KCNMA1: variants seen among roughly 807,000 people sequenced by gnomAD.
The protein encoded by KCNMA1 is potassium calcium-activated channel subfamily M alpha 1.
A neutral mutation model predicts 140.0 loss-of-function variants in KCNMA1; 29 were observed. The observed-to-expected ratio is 0.21, with a 90% CI of 0.15 to 0.28. KCNMA1 has a LOEUF of 0.28. Among genes scored for constraint, KCNMA1 ranks in the 10% least tolerant of loss-of-function variants. KCNMA1 has a pLI of 1.00. For synonymous variants in KCNMA1, 612 were observed against 611.9 expected, an observed-to-expected ratio of 1.00 and a Z score of 0.00; for missense variants, 880 against 1,602.2, an observed-to-expected ratio of 0.55 and a Z score of 7.70.
In KCNMA1 at chr10:77,210,584, A is replaced by G. The variant is rs553785738; in HGVS notation, c.603-25668T>C. ...GCCTGAGCAACCAGGCAAGAGAAAG[A>G]AAGAAAAGGCAACCAAATAGGAAAA... On this transcript the variant is annotated intron_variant, in intron 3 of 27. Transcript: ENST00000286628. 2.4e-4 allele frequency among the ~76,000 whole-genome samples: 36 copies of G among 152,352 alleles called. No homozygotes were observed. In the South Asian group the frequency reaches 6.6e-3, roughly 28 times the overall value.
At chr10:77,234,984 T>C (rs1348563695) in intron 3 of KCNMA1, among the ~76,000 whole-genome samples, 1 of 152,210 alleles carries the variant, frequency 6.6e-6, no homozygotes, top group Non-Finnish European at 1.5e-5. Context: ...AAATGTTCTT[T>C]CCACTGTTCT....
intron 2 of KCNMA1, among the ~76,000 whole-genome samples, chr10:77,398,517 A>G (rs1476326533): frequency 1.3e-5 from 2 of 152,138 alleles, no homozygotes; most frequent in African/African-American, 4.8e-5. Flanking sequence ...ATGACTATTC[A>G]TATCTTTTGC....
intron 9 of KCNMA1, among the ~76,000 whole-genome samples, chr10:77,095,325 G>T (rs1445598918): frequency 1.3e-5 from 2 of 152,118 alleles, no homozygotes; most frequent in Admixed American, 6.5e-5. Flanking sequence ...AATATTTCTT[G>T]GGCAAAGGTA....
At chr10:77,217,705 T>C (rs1395281086) in intron 3 of KCNMA1, 1 of 329,888 alleles carries the variant, frequency 3.0e-6, no homozygotes, top group Non-Finnish European at 6.2e-6. Flanking sequence ...TATGTGTAGA[T>C]CAAATTGATT....
intron 1 of KCNMA1, among the ~76,000 whole-genome samples, chr10:77,483,695 G>A (rs1044844090): frequency 2.2e-4 from 34 of 152,326 alleles, no homozygotes; most frequent in African/African-American, 7.9e-4. Context: ...TGTGGTGAGG[G>A]AGAACTGTTT....
intron 21 of KCNMA1, among the ~76,000 whole-genome samples, chr10:76,951,005 GTCTA>G (rs1431341477): frequency 6.6e-6 from 1 of 152,188 alleles, no homozygotes; most frequent in Non-Finnish European, 1.5e-5. Flanking sequence ...CAGCCAACCA[GTCTA>G]TAAAGCACTG....
At chr10:77,347,795 A>G (rs1235926215) in intron 2 of KCNMA1, among the ~76,000 whole-genome samples, 4 of 152,238 alleles carry the variant, frequency 2.6e-5, no homozygotes, top group African/African-American at 9.6e-5. Context: ...GCAAATAATA[A>G]TGGATACTAA....
At chr10:77,468,609 C>T (rs919904903) in intron 1 of KCNMA1, among the ~76,000 whole-genome samples, 4 of 152,098 alleles carry the variant, frequency 2.6e-5, no homozygotes, top group East Asian at 3.9e-4. Flanking sequence ...GTCCTGGAAC[C>T]GATCCTTCCT....
At chr10:77,177,610 C>T (rs2098764042) in intron 5 of KCNMA1, among the ~76,000 whole-genome samples, 1 of 151,926 alleles carries the variant, frequency 6.6e-6, no homozygotes, top group Non-Finnish European at 1.5e-5. Flanking sequence ...GTAGCAAGGC[C>T]ACTTTCTTCT....
intron 6 of KCNMA1, among the ~76,000 whole-genome samples, chr10:77,120,630 G>A (rs2097573828): frequency 6.6e-6 from 1 of 152,162 alleles, no homozygotes; most frequent in African/African-American, 2.4e-5. Flanking sequence ...CAATCAATGA[G>A]CAAATCTATC....
At chr10:77,176,776 C>T (rs944571689) in intron 5 of KCNMA1, among the ~76,000 whole-genome samples, 6 of 152,124 alleles carry the variant, frequency 3.9e-5, no homozygotes, top group Admixed American at 2.6e-4. Flanking sequence ...GTAGGCAGAA[C>T]GATGACCCTC....
At chr10:77,350,818 G>A (rs1488377127) in intron 2 of KCNMA1, 1 of 152,148 alleles carries the variant, frequency 6.6e-6, no homozygotes, top group Non-Finnish European at 1.5e-5. Context: ...AATCATGCCT[G>A]GTGATTATGA....
intron 1 of KCNMA1, among the ~76,000 whole-genome samples, chr10:77,525,073 A>C (rs1053509286): frequency 4.6e-5 from 7 of 152,314 alleles, no homozygotes; most frequent in African/African-American, 1.7e-4. Flanking sequence ...TTCTTTGGAC[A>C]ATTTTATCTG....
chr10:76,928,639 T>G (rs2058446060), intron 23 of KCNMA1, among the ~76,000 whole-genome samples: 1 of 152,168 alleles, frequency 6.6e-6, no homozygotes, highest in Non-Finnish European at 1.5e-5. Context: ...TATAAGGACT[T>G]AAATATTTAT....
intron 2 of KCNMA1, among the ~76,000 whole-genome samples, chr10:77,252,277 T>C (rs1248575881): frequency 3.3e-5 from 5 of 152,206 alleles, no homozygotes; most frequent in African/African-American, 1.2e-4. Context: ...AAATAAAGGA[T>C]AGTCAGAAAT....
At chr10:77,225,596 C>T (rs1227280720) in intron 3 of KCNMA1, among the ~76,000 whole-genome samples, 1 of 152,238 alleles carries the variant, frequency 6.6e-6, no homozygotes, top group Admixed American at 6.5e-5. Context: ...CCTCACCTCT[C>T]TCTGAACCAC....
intron 1 of KCNMA1, among the ~76,000 whole-genome samples, chr10:77,506,906 AAGAG>A (rs751270620): frequency 6.7e-6 from 1 of 150,182 alleles, no homozygotes; most frequent in East Asian, 2.0e-4. Flanking sequence ...TTGAAATATG[AAGAG>A]AGAGAGTAAA....
At chr10:76,908,570 G>T (rs538745715) in intron 25 of KCNMA1, among the ~76,000 whole-genome samples, 1 of 152,146 alleles carries the variant, frequency 6.6e-6, no homozygotes. Context: ...TCAAATAGAG[G>T]TCCTTCTGGG....
chr10:77,614,940 T>G (rs2088791373), intron 1 of KCNMA1, among the ~76,000 whole-genome samples: 1 of 152,058 alleles, frequency 6.6e-6, no homozygotes, highest in Non-Finnish European at 1.5e-5. Context: ...AGAATAAGCT[T>G]GAGATAAAAG....
Sources: gnomAD v4.1 joint callset for allele counts (sites outside exome capture counted in the v4.1 genomes callset) on GRCh38, gnomAD v4.1.1 for gene constraint, MANE v1.5 for transcripts, NCBI Gene and HGNC (gene_info 2026-07-23, HGNC 2026-07-21) for gene names.